Variants in HDAC2 observed in about 807,000 individuals in gnomAD.
The protein encoded by HDAC2 is YY1-associated factor 1.
Under a neutral mutation model 68.5 loss-of-function variants are expected in HDAC2, and 5 were observed. The ratio of observed to expected loss-of-function variants is 0.07; its 90% CI spans 0.04 to 0.15. HDAC2 has a LOEUF of 0.15. Among genes scored for constraint, HDAC2 ranks in the 10% least tolerant of loss-of-function variants. The probability of loss-of-function intolerance (pLI) is 1.00; values close to 1 mark genes in which losing one functional copy is unlikely to be tolerated. For synonymous variants in HDAC2, 182 were observed against 191.3 expected, an observed-to-expected ratio of 0.95 and a Z score of 0.40; for missense variants, 291 against 600.8, an observed-to-expected ratio of 0.48 and a Z score of 5.39.
chr6:113,944,590 A>G (rs352062), intron 10 of HDAC2, among the ~76,000 whole-genome samples, 180 bp from the exon 11 acceptor site: 104,203 of 151,992 alleles, frequency 0.69, 36,055 homozygotes, highest in African/African-American at 0.78. Flanking sequence ...CTGCAGCCTC[A>G]AACTCCTGGC....
intron 1 of HDAC2, among the ~76,000 whole-genome samples, chr6:113,966,807 A>G (rs1329368510): frequency 6.6e-6 from 1 of 152,190 alleles, no homozygotes. Context: ...ATTTGAAAGA[A>G]AAGAGAGGCA....
At chr6:113,952,276 A>G (rs1776437706) in intron 6 of HDAC2, among the ~76,000 whole-genome samples, 2 of 152,238 alleles carry the variant, frequency 1.3e-5, no homozygotes, top group African/African-American at 4.8e-5. Flanking sequence ...AATTGAAATT[A>G]CAAATCTGCA....
chr6:113,951,180 A>G (rs959960991), intron 6 of HDAC2, among the ~76,000 whole-genome samples: 1 of 152,222 alleles, frequency 6.6e-6, no homozygotes, highest in Non-Finnish European at 1.5e-5. Context: ...TCATTCTGCA[A>G]CTGCTACTAT....
chr6:113,939,347 T>G lies in HDAC2; in HGVS notation c.*1711A>C, dbSNP rs1334841684. Reference sequence around the variant, plus strand: ...ATAAAAGATTACAAATAGGGTGCAGTGTACACTGCTTGGGTGATGGGTCCA... The same window carrying G: ...ATAAAAGATTACAAATAGGGTGCAGGGTACACTGCTTGGGTGATGGGTCCA... On this transcript the variant is annotated 3_prime_UTR_variant, in exon 14 of 14. Coordinates refer to ENST00000519065, the MANE Select transcript of HDAC2 (RefSeq NM_001527.4). 1 of 152,088 alleles carries G rather than the reference T, an allele frequency of 6.6e-6. No individual in the cohort carries two copies. Among genetic ancestry groups the G allele is most frequent in the East Asian group, 1.9e-4 (1 of 5,178 alleles). The allele number at this position is 152,088 out of a possible 1,614,324, so 9.4% of individuals were successfully genotyped here. A position where few individuals can be genotyped will look rare whatever the true frequency, so the allele number is the denominator to read the frequency against.
At chr6:113,966,222 G>C (rs1776814050) in intron 1 of HDAC2, among the ~76,000 whole-genome samples, 1 of 152,124 alleles carries the variant, frequency 6.6e-6, no homozygotes, top group East Asian at 1.9e-4. Context: ...TCAAGAATTA[G>C]AGGGAACGTT....
intron 13 of HDAC2, 38 bp from the exon 14 acceptor site, chr6:113,941,126 C>A: frequency 1.3e-6 from 2 of 1,571,932 alleles, no homozygotes; most frequent in Non-Finnish European, 8.7e-7. Flanking sequence ...AAAAATGGCA[C>A]AATCTTGGTT....
chr6:113,948,784 A>C lies in HDAC2; in HGVS notation c.841+195T>G, dbSNP rs558924458. Reference sequence around the variant, plus strand: ...AAACCTTAAAAAACTAGTCTTGTATAAATGTATATATAAATCTGCCATAAT... The same window carrying C: ...AAACCTTAAAAAACTAGTCTTGTATCAATGTATATATAAATCTGCCATAAT... On this transcript the variant is annotated intron_variant, in intron 8 of 13. Transcript: ENST00000519065. 4.1e-5 allele frequency: 22 copies of C among 533,548 alleles called. No individual in the cohort carries two copies. The South Asian group carries it at 8.0e-4, about 19-fold the overall frequency. 33.1% of individuals were successfully genotyped at this position (533,548 alleles called of 1,614,324 possible). A position where few individuals can be genotyped will look rare whatever the true frequency, so the allele number is the denominator to read the frequency against.
chr6:113,960,196 G>A (rs1046017147), intron 1 of HDAC2, among the ~76,000 whole-genome samples, 178 bp from the exon 2 acceptor site: 1 of 151,942 alleles, frequency 6.6e-6, no homozygotes. Context: ...AAGACGCTAC[G>A]CACACTTTTA....
rs570988637 is a variant in HDAC2, at chr6:113,941,791, T to A, written c.1379-26A>T. On this transcript the variant is annotated intron_variant, in intron 12 of 13. Coordinates refer to ENST00000519065, the MANE Select transcript of HDAC2 (RefSeq NM_001527.4). ...CTAAAAATAAAGATTGGGAAAAGAT[T>A]AAAACCTATTTTGAAATATAAAATG... 8 of 924,050 alleles carry A rather than the reference T, an allele frequency of 8.7e-6. No individual in the cohort carries two copies. In the South Asian group the frequency reaches 1.4e-4, roughly 16 times the overall value. 57.2% of individuals were successfully genotyped at this position (924,050 alleles called of 1,614,324 possible). A position where few individuals can be genotyped will look rare whatever the true frequency, so the allele number is the denominator to read the frequency against.
chr6:113,951,251 T>C lies in HDAC2; in HGVS notation c.640-1991A>G, dbSNP rs1418385918. Among the ~76,000 whole-genome samples, 5 of 152,198 alleles carry C rather than the reference T, an allele frequency of 3.3e-5. No individual in the cohort carries two copies. The East Asian group carries it at 7.7e-4, about 23-fold the overall frequency. ...AAAGCAAACAGTTTCAACAATGAGC[T>C]AAACTCAGAGTAGCCTTCTTTTCAG... On this transcript the variant is annotated intron_variant, in intron 6 of 13. Transcript: ENST00000519065.
At chr6:113,965,732 T>A (rs1776797991) in intron 1 of HDAC2, among the ~76,000 whole-genome samples, 1 of 152,218 alleles carries the variant, frequency 6.6e-6, no homozygotes, top group Non-Finnish European at 1.5e-5. Flanking sequence ...CAATCTTTTG[T>A]CTATTTGGCA....
At chr6:113,945,526 C>T in intron 9 of HDAC2, 56 bp from the exon 10 acceptor site, 1 of 851,542 alleles carries the variant, frequency 1.2e-6, no homozygotes, top group Admixed American at 1.8e-5. Flanking sequence ...TCACAAAAAA[C>T]CATGCACAGA....
At chr6:113,958,553 C>T (rs1776608383) in intron 3 of HDAC2, 96 bp downstream of exon 3, 1 of 661,082 alleles carries the variant, frequency 1.5e-6, no homozygotes, top group South Asian at 2.0e-5. Flanking sequence ...CATATTAGAC[C>T]AACAGGAAAA....
At chr6:113,951,613 G>A (rs1037116362) in intron 6 of HDAC2, among the ~76,000 whole-genome samples, 19 of 151,846 alleles carry the variant, frequency 1.3e-4, no homozygotes, top group Admixed American at 2.6e-4. Context: ...GACTACAAGC[G>A]CCCACCACCA....
chr6:113,952,468 C>T (rs1776442930), intron 6 of HDAC2, among the ~76,000 whole-genome samples: 1 of 152,144 alleles, frequency 6.6e-6, no homozygotes, highest in African/African-American at 2.4e-5. Flanking sequence ...ACTCTTTAAA[C>T]TTTGGTTGCT....
intron 6 of HDAC2, among the ~76,000 whole-genome samples, chr6:113,951,946 C>A: frequency 6.6e-6 from 1 of 152,200 alleles, no homozygotes; most frequent in East Asian, 1.9e-4. Context: ...CCATTTTCCA[C>A]TTCTGAGATA....
Position 113,956,129 on chromosome 6 carries a change from T to C in HDAC2, c.381A>G (p.Arg127=). The change falls in exon 5 of 14, where the codon CGA becomes CGG. Residue 127 remains arginine (R), a synonymous_variant. Coordinates refer to ENST00000519065, the MANE Select transcript of HDAC2 (RefSeq NM_001527.4). ...GSVAGAVKLN[R]QQTDMAVNWA... ...AATTAACAGCCATATCAGTCTGTTG[T>C]CGGTTTAACTTCACAGCTCCAGCTA... 6.2e-7 allele frequency: 1 copy of C among 1,604,886 alleles called. No homozygotes were observed. The highest frequency in any genetic ancestry group is 8.5e-7 in the Non-Finnish European group (1 of 1,177,558).
intron 3 of HDAC2, among the ~76,000 whole-genome samples, chr6:113,958,105 C>T (rs1420716579): frequency 6.6e-6 from 1 of 152,094 alleles, no homozygotes; most frequent in African/African-American, 2.4e-5. Context: ...GATACTGTTC[C>T]AATAATTTTA....
At chr6:113,969,546 CAGG>C (rs1398598877) in intron 1 of HDAC2, among the ~76,000 whole-genome samples, 2 of 152,172 alleles carry the variant, frequency 1.3e-5, no homozygotes, top group African/African-American at 4.8e-5. Context: ...ACAGGACTTT[CAGG>C]AGAAGGAGCC....
Sources: allele counts gnomAD v4.1 joint callset (sites outside exome capture counted in the v4.1 genomes callset), GRCh38; gene constraint gnomAD v4.1.1; transcripts MANE v1.5; gene names NCBI Gene and HGNC (gene_info 2026-07-23, HGNC 2026-07-21).